Variants in ZDHHC14 observed in about 807,000 individuals in gnomAD.
The protein encoded by ZDHHC14 is zDHHC palmitoyltransferase 14, also known as palmitoyltransferase ZDHHC14.
A neutral mutation model predicts 47.7 loss-of-function variants in ZDHHC14; 16 were observed. That is an observed-to-expected ratio of 0.34 (90% CI 0.23 to 0.51). The LOEUF is 0.51. Among genes scored for constraint, ZDHHC14 ranks in the 20% least tolerant of loss-of-function variants. The pLI, the probability that ZDHHC14 is intolerant of heterozygous loss-of-function variation, is 0.97. For missense variants in ZDHHC14, 515 were observed against 662.5 expected, an observed-to-expected ratio of 0.78 and a Z score of 2.44; for synonymous variants, 293 against 278.9, an observed-to-expected ratio of 1.05 and a Z score of -0.50.
At chr6:157,525,676 G>A (rs558459751) in intron 1 of ZDHHC14, among the ~76,000 whole-genome samples, 56 of 152,298 alleles carry the variant, frequency 3.7e-4, no homozygotes, top group Non-Finnish European at 6.5e-4. Flanking sequence ...GGGATCAATG[G>A]AAGCATCCAG....
At position 157,673,395 on chromosome 6, in the gene ZDHHC14, G is replaced by C. The variant is rs184103080; in HGVS notation, c.*273G>C. On this transcript the variant is annotated 3_prime_UTR_variant, in exon 9 of 9. Coordinates refer to ENST00000359775, the MANE Select transcript of ZDHHC14 (RefSeq NM_024630.3). This position sits in a 1 kb window ranked among gnomAD's most constrained non-coding sequence, Gnocchi z 5.4. ...GCTTTCTTTTGGTGACCCTCCAGGG[G>C]TGGAATCGGAGTGTGTCTGCCCGCC... The C allele has an allele frequency of 6.5e-4, 331 of 511,288 alleles. 1 individual carries two copies. In the African/African-American group the frequency reaches 6.5e-3, roughly 10 times the overall value. 31.7% of individuals were successfully genotyped at this position (511,288 alleles called of 1,614,324 possible).
chr6:157,533,238 A>G (rs1781427521), intron 1 of ZDHHC14, among the ~76,000 whole-genome samples: 1 of 152,154 alleles, frequency 6.6e-6, no homozygotes, highest in Admixed American at 6.5e-5. Context: ...AACCAAGCAG[A>G]TACACGTCCT....
intron 1 of ZDHHC14, among the ~76,000 whole-genome samples, chr6:157,535,254 G>A (rs534157161): frequency 3.9e-5 from 6 of 152,294 alleles, no homozygotes; most frequent in African/African-American, 1.2e-4. Flanking sequence ...CAGGTTCAAG[G>A]CAAGACTGTG....
At chr6:157,589,113 C>G (rs1201755723) in intron 2 of ZDHHC14, among the ~76,000 whole-genome samples, 1 of 151,936 alleles carries the variant, frequency 6.6e-6, no homozygotes, top group Non-Finnish European at 1.5e-5. Flanking sequence ...AGGAAACTTA[C>G]AATCATGGAG....
intron 1 of ZDHHC14, among the ~76,000 whole-genome samples, chr6:157,413,050 G>T (rs912312579): frequency 6.6e-6 from 1 of 152,208 alleles, no homozygotes; most frequent in Non-Finnish European, 1.5e-5. Context: ...GAGACTTCAG[G>T]AATAGTCTTG....
chr6:157,600,965 G>A (rs529755914), intron 3 of ZDHHC14, among the ~76,000 whole-genome samples: 30 of 152,310 alleles, frequency 2.0e-4, no homozygotes, highest in Admixed American at 1.5e-3. Context: ...GAGAGATGCC[G>A]CGCAGGAGGC....
rs372653506 is a variant in ZDHHC14, at chr6:157,392,645, A to ATGTGTGTGTGTGTGTG, written c.245+10393_245+10408dup. 4.1e-5 allele frequency among the ~76,000 whole-genome samples: 6 copies of ATGTGTGTGTGTGTGTG among 147,336 alleles called. No individual in the cohort carries two copies. In the East Asian group the frequency reaches 1.2e-3, roughly 30 times the overall value. On this transcript the variant is annotated intron_variant, in intron 1 of 8. Coordinates refer to ENST00000359775, the MANE Select transcript of ZDHHC14 (RefSeq NM_024630.3). ...GACTGGATCCATAATTAAGAGAAAG[A>ATGTGTGTGTGTGTGTG]TGTGTGTGTGTGTGTGTGTGTGTGT...
Position 157,674,922 on chromosome 6 carries a change from C to T in ZDHHC14, c.*1800C>T, listed in dbSNP as rs1778945427. 6.6e-6 allele frequency: 1 copy of T among 152,236 alleles called. No homozygotes were observed. Among genetic ancestry groups the T allele is most frequent in the Admixed American group, 6.5e-5 (1 of 15,292 alleles). The allele number at this position is 152,236 out of a possible 1,614,324, so 9.4% of individuals were successfully genotyped here. ...TTTGATTTTCTGAACCACCTAACTA[C>T]TTGTACCCACCTGCAATGTGTAATT... On this transcript the variant is annotated 3_prime_UTR_variant, in exon 9 of 9. Transcript: ENST00000359775.
At chr6:157,429,147 T>C (rs1778285540) in intron 1 of ZDHHC14, among the ~76,000 whole-genome samples, 1 of 152,166 alleles carries the variant, frequency 6.6e-6, no homozygotes, top group Admixed American at 6.5e-5. Flanking sequence ...ACAGGCTCCA[T>C]GGATCTGTGC....
At chr6:157,517,370 A>C (rs1024084146) in intron 1 of ZDHHC14, among the ~76,000 whole-genome samples, 3 of 150,556 alleles carry the variant, frequency 2.0e-5, no homozygotes, top group Admixed American at 6.6e-5. Flanking sequence ...GCTGGAGTGC[A>C]GTGGCGCAGT....
intron 1 of ZDHHC14, among the ~76,000 whole-genome samples, chr6:157,404,978 G>C (rs989113857): frequency 1.3e-5 from 2 of 152,162 alleles, no homozygotes; most frequent in Admixed American, 6.5e-5. Flanking sequence ...GGTAAGAAAA[G>C]CAGCCCTCCC....
intron 1 of ZDHHC14, among the ~76,000 whole-genome samples, chr6:157,424,571 G>A (rs1385386719): frequency 6.6e-5 from 10 of 152,188 alleles, no homozygotes; most frequent in Admixed American, 3.9e-4. Flanking sequence ...GAGAGCAAAC[G>A]TGGTGCTTCG....
At chr6:157,438,132 TA>T (rs1311123373) in intron 1 of ZDHHC14, among the ~76,000 whole-genome samples, 1 of 148,218 alleles carries the variant, frequency 6.7e-6, no homozygotes, top group Non-Finnish European at 1.5e-5. Flanking sequence ...GAATAATTTC[TA>T]AATCTTCAAA....
chr6:157,572,324 G>A (rs111419828), intron 2 of ZDHHC14, among the ~76,000 whole-genome samples: 21,454 of 151,858 alleles, frequency 0.14, 1,787 homozygotes, highest in African/African-American at 0.24. Flanking sequence ...GAGGCAAATC[G>A]CCCTGGTTGA....
At chr6:157,560,521 T>G (rs1321880880) in intron 2 of ZDHHC14, among the ~76,000 whole-genome samples, 1 of 152,248 alleles carries the variant, frequency 6.6e-6, no homozygotes, top group Non-Finnish European at 1.5e-5. Context: ...CATTGGGATC[T>G]TAATATATAT....
intron 2 of ZDHHC14, among the ~76,000 whole-genome samples, chr6:157,550,936 G>A (rs1387256063): frequency 6.6e-6 from 1 of 152,206 alleles, no homozygotes; most frequent in Non-Finnish European, 1.5e-5. Flanking sequence ...CAGGGCCATG[G>A]AAGGGGAAGG....
In ZDHHC14 at chr6:157,628,276, G is replaced by A. The variant is rs1007568161; in HGVS notation, c.566-73G>A. 64 of 1,499,524 alleles carry A rather than the reference G, an allele frequency of 4.3e-5. 1 individual carries two copies. In the Middle Eastern group the frequency reaches 2.6e-3, roughly 60 times the overall value. The allele number at this position is 1,499,524 out of a possible 1,614,324, so 92.9% of individuals were successfully genotyped here. On this transcript the variant is annotated intron_variant, in intron 3 of 8. Coordinates refer to ENST00000359775, the MANE Select transcript of ZDHHC14 (RefSeq NM_024630.3). ...TATCAGAGTATTGGGTGGGAGGGGC[G>A]GGGCTCCTGCAAGTAAAAAGACATT...
intron 1 of ZDHHC14, among the ~76,000 whole-genome samples, chr6:157,431,880 C>T (rs939655580): frequency 1.3e-4 from 19 of 151,930 alleles, no homozygotes; most frequent in African/African-American, 4.6e-4. Context: ...AAGTGTGCAC[C>T]ACCATACCTA....
At chr6:157,385,371 C>T (rs972550356) in intron 1 of ZDHHC14, among the ~76,000 whole-genome samples, 4 of 152,360 alleles carry the variant, frequency 2.6e-5, no homozygotes, top group South Asian at 2.1e-4. Context: ...GCATGAGCCA[C>T]CGCACCTGGC....
Sources: gnomAD v4.1 joint callset for allele counts (sites outside exome capture counted in the v4.1 genomes callset) on GRCh38, gnomAD v4.1.1 for gene constraint, Gnocchi (gnomAD v3.1) non-coding constraint, MANE v1.5 for transcripts, NCBI Gene and HGNC (gene_info 2026-07-23, HGNC 2026-07-21) for gene names.